MYRIP: variants seen among roughly 807,000 people sequenced by gnomAD.
MYRIP encodes the protein myosin VIIA and Rab interacting protein.
MYRIP carries 49 observed loss-of-function variants against 98.0 expected under a neutral mutation model. The observed-to-expected ratio is 0.50, with a 90% confidence interval of 0.40 to 0.63. MYRIP has a LOEUF of 0.63. Among genes scored for constraint, MYRIP ranks in the 30% least tolerant of loss-of-function variants. MYRIP has a pLI of 0.00. For missense variants in MYRIP, 1,004 were observed against 1,058.2 expected (o/e 0.95, Z 0.71); for synonymous variants, 404 against 409.5 (o/e 0.99, Z 0.16).
intron 11 of MYRIP, among the ~76,000 whole-genome samples, chr3:40,215,664 C>T (rs757433484): frequency 3.9e-5 from 6 of 152,272 alleles, no homozygotes; most frequent in African/African-American, 4.8e-5. Context: ...ATATGTCTGA[C>T]GTTCATAAAA....
At chr3:40,107,300 T>C (rs1949067834) in intron 3 of MYRIP, among the ~76,000 whole-genome samples, 1 of 152,194 alleles carries the variant, frequency 6.6e-6, no homozygotes, top group Non-Finnish European at 1.5e-5. Context: ...GCCTCCAGCT[T>C]GGTTTAATGC....
chr3:40,154,488 T>A (rs1250103799), intron 4 of MYRIP, among the ~76,000 whole-genome samples: 1 of 152,218 alleles, frequency 6.6e-6, no homozygotes, highest in East Asian at 1.9e-4. Flanking sequence ...AATAAAATAA[T>A]GTCCAAAGGT....
chr3:39,877,505 T>A (rs1437786227), intron 1 of MYRIP, among the ~76,000 whole-genome samples: 1 of 152,184 alleles, frequency 6.6e-6, no homozygotes, highest in Non-Finnish European at 1.5e-5. Context: ...GATGGTGATG[T>A]GCAGATGGGT....
At chr3:40,196,146 A>T (rs1317727987) in intron 10 of MYRIP, among the ~76,000 whole-genome samples, 1 of 151,576 alleles carries the variant, frequency 6.6e-6, no homozygotes, top group Non-Finnish European at 1.5e-5. Context: ...TCTTACTTGA[A>T]CTTACCAGTC....
At chr3:40,038,260 G>A (rs1192102200) in intron 2 of MYRIP, among the ~76,000 whole-genome samples, 1 of 152,126 alleles carries the variant, frequency 6.6e-6, no homozygotes, top group Non-Finnish European at 1.5e-5. Context: ...AAAATGATGT[G>A]TTGAGAGAGT....
chr3:39,925,231 C>T (rs1944396136), intron 2 of MYRIP, among the ~76,000 whole-genome samples: 1 of 151,858 alleles, frequency 6.6e-6, no homozygotes, highest in Non-Finnish European at 1.5e-5. Context: ...AAGGAGAAAA[C>T]ACAAATTGTC....
chr3:39,880,862 T>C (rs991459301), intron 1 of MYRIP, among the ~76,000 whole-genome samples: 5 of 152,208 alleles, frequency 3.3e-5, no homozygotes, highest in African/African-American at 1.2e-4. Context: ...AGTGGGTCCT[T>C]TTAATCTGGA....
At chr3:39,972,461 A>C (rs1265441907) in intron 2 of MYRIP, among the ~76,000 whole-genome samples, 1 of 152,076 alleles carries the variant, frequency 6.6e-6, no homozygotes, top group Non-Finnish European at 1.5e-5. Context: ...CGTGGAACTA[A>C]ACTTTGTTAT....
chr3:40,025,435 C>G (rs4428121), intron 2 of MYRIP, among the ~76,000 whole-genome samples: 10,178 of 152,020 alleles, frequency 0.067, 484 homozygotes, highest in East Asian at 0.18. Context: ...TGATATTACC[C>G]ATGACAAACT....
chr3:39,885,840 A>G (rs1290154722), intron 1 of MYRIP, among the ~76,000 whole-genome samples: 1 of 152,006 alleles, frequency 6.6e-6, no homozygotes, highest in African/African-American at 2.4e-5. Flanking sequence ...CTTGGTTTTC[A>G]GCTCCATCAG....
At chr3:39,982,329 A>AAAAG (rs1945914693) in intron 2 of MYRIP, among the ~76,000 whole-genome samples, 1 of 152,170 alleles carries the variant, frequency 6.6e-6, no homozygotes, top group Non-Finnish European at 1.5e-5. Flanking sequence ...TATTGGCAGC[A>AAAAG]CCATATACAT....
At chr3:40,104,893 A>G (rs1949025351) in intron 3 of MYRIP, among the ~76,000 whole-genome samples, 1 of 152,210 alleles carries the variant, frequency 6.6e-6, no homozygotes, top group Admixed American at 6.5e-5. Context: ...TTAAGGAGTC[A>G]AGACTTGTTC....
intron 2 of MYRIP, among the ~76,000 whole-genome samples, chr3:40,003,718 C>T (rs1649854268): frequency 6.6e-6 from 1 of 152,208 alleles, no homozygotes; most frequent in Non-Finnish European, 1.5e-5. Flanking sequence ...GAAGATGCTT[C>T]ACCAACCAGT....
intron 1 of MYRIP, among the ~76,000 whole-genome samples, chr3:39,844,874 C>T (rs546043916): frequency 2.0e-5 from 3 of 152,264 alleles, no homozygotes; most frequent in Non-Finnish European, 2.9e-5. Context: ...GTTATGCATA[C>T]GGGACAGAGC....
At chr3:39,871,261 G>A (rs901146675) in intron 1 of MYRIP, among the ~76,000 whole-genome samples, 2 of 152,164 alleles carry the variant, frequency 1.3e-5, no homozygotes, top group African/African-American at 4.8e-5. Context: ...TTTAGCCAAG[G>A]GCTTCAAGTG....
intron 3 of MYRIP, among the ~76,000 whole-genome samples, chr3:40,130,088 A>G (rs900423736): frequency 2.0e-5 from 3 of 152,098 alleles, no homozygotes; most frequent in East Asian, 3.9e-4. Flanking sequence ...GCAGCTTTCT[A>G]TTTGCTTGAA....
chr3:40,157,876 T>G (rs1269480826), intron 4 of MYRIP, among the ~76,000 whole-genome samples: 3 of 152,074 alleles, frequency 2.0e-5, no homozygotes, highest in Non-Finnish European at 4.4e-5. Context: ...TCTATTTGAT[T>G]CTTCTCTCTC....
At chr3:40,252,306 T>C (rs7431934) in intron 16 of MYRIP, among the ~76,000 whole-genome samples, 73,333 of 151,916 alleles carry the variant, frequency 0.48, 18,475 homozygotes, top group Non-Finnish European at 0.57. Context: ...ACATGGTAAG[T>C]GTACTGGAAA....
chr3:40,026,955 C>T (rs1267110446), intron 2 of MYRIP, among the ~76,000 whole-genome samples: 1 of 152,082 alleles, frequency 6.6e-6, no homozygotes, highest in Non-Finnish European at 1.5e-5. Context: ...CTGGCTGCCC[C>T]ATCCCTCTAG....
Sources: gnomAD v4.1 joint callset for allele counts (sites outside exome capture counted in the v4.1 genomes callset) on GRCh38, gnomAD v4.1.1 for gene constraint, MANE v1.5 for transcripts, NCBI Gene and HGNC (gene_info 2026-07-23, HGNC 2026-07-21) for gene names.